The following SLIT3 variants were observed in gnomAD, a reference collection of about 807,000 sequenced individuals.
SLIT3 encodes the protein slit guidance ligand 3.
Under a neutral mutation model 184.0 loss-of-function variants are expected in SLIT3, and 68 were observed. The ratio of observed to expected loss-of-function variants is 0.37; its 90% CI spans 0.30 to 0.45. The LOEUF is 0.45. Among genes scored for constraint, SLIT3 ranks in the 20% least tolerant of loss-of-function variants. SLIT3 has a pLI of 1.00. For missense variants in SLIT3, 1,707 were observed against 2,026.0 expected (o/e 0.84, Z 3.02); for synonymous variants, 831 against 828.6 (o/e 1.00, Z -0.05).
intron 4 of SLIT3, among the ~76,000 whole-genome samples, chr5:169,031,080 A>T (rs1247731455): frequency 6.6e-6 from 1 of 152,178 alleles, no homozygotes; most frequent in Non-Finnish European, 1.5e-5. Flanking sequence ...AGTATCCAGC[A>T]TAGTAGTCGT....
At chr5:168,795,618 C>T (rs7733421) in intron 9 of SLIT3, 40 bp from the exon 10 acceptor site, 10 of 1,526,226 alleles carry the variant, frequency 6.6e-6, no homozygotes, top group South Asian at 5.6e-5. Flanking sequence ...AACCATCCAC[C>T]TGTCAACAAG....
At chr5:168,764,388 T>A (rs974610911) in intron 14 of SLIT3, among the ~76,000 whole-genome samples, 1 of 152,158 alleles carries the variant, frequency 6.6e-6, no homozygotes, top group African/African-American at 2.4e-5. Context: ...GGCCCACAGG[T>A]CACTCAGTCT....
At chr5:168,843,984 GC>G (rs1020270712) in intron 6 of SLIT3, among the ~76,000 whole-genome samples, 60 of 36,572 alleles carry the variant, frequency 1.6e-3, no homozygotes, top group African/African-American at 5.9e-3. Flanking sequence ...CCTGCCCCCC[GC>G]CCCCCTACCC....
intron 28 of SLIT3, among the ~76,000 whole-genome samples, chr5:168,695,636 C>A (rs1315986943): frequency 6.6e-6 from 1 of 151,970 alleles, no homozygotes; most frequent in Non-Finnish European, 1.5e-5. Flanking sequence ...ATTTAACTGT[C>A]CTTTTTAGGG....
chr5:169,211,740 T>C (rs889467841), intron 3 of SLIT3, among the ~76,000 whole-genome samples: 5 of 152,312 alleles, frequency 3.3e-5, no homozygotes, highest in Admixed American at 1.3e-4. Flanking sequence ...CCCGCACCCA[T>C]TGAACTGTCA....
At chr5:169,125,109 G>A (rs772707465) in intron 4 of SLIT3, among the ~76,000 whole-genome samples, 9 of 151,980 alleles carry the variant, frequency 5.9e-5, no homozygotes, top group Admixed American at 1.3e-4. Context: ...GTGCAGTGGC[G>A]CAATCTCGGC....
chr5:168,788,537 T>C (rs996137436), intron 11 of SLIT3, among the ~76,000 whole-genome samples: 2 of 152,236 alleles, frequency 1.3e-5, no homozygotes, highest in African/African-American at 4.8e-5. Flanking sequence ...TTTCTACCTG[T>C]TACTGTGGAC....
At chr5:168,943,706 C>G (rs959493421) in intron 4 of SLIT3, among the ~76,000 whole-genome samples, 2 of 152,230 alleles carry the variant, frequency 1.3e-5, no homozygotes. Flanking sequence ...CACACTCTCT[C>G]TATATGTGCA....
At chr5:169,293,145 T>C (rs899962538) in intron 1 of SLIT3, among the ~76,000 whole-genome samples, 1 of 152,124 alleles carries the variant, frequency 6.6e-6, no homozygotes, top group African/African-American at 2.4e-5. Context: ...AAATGGGTGG[T>C]GAGAAACACC....
At chr5:168,676,791 A>G (rs1761424677) in intron 32 of SLIT3, among the ~76,000 whole-genome samples, 1 of 152,228 alleles carries the variant, frequency 6.6e-6, no homozygotes, top group Non-Finnish European at 1.5e-5. Flanking sequence ...ACTCGCTTCC[A>G]ACATTATGAT....
At chr5:169,217,145 A>C (rs1581065900) in intron 3 of SLIT3, among the ~76,000 whole-genome samples, 1 of 151,196 alleles carries the variant, frequency 6.6e-6, no homozygotes, top group Admixed American at 6.6e-5. Context: ...AAAAAAAAAA[A>C]AAAAAAACTT....
intron 4 of SLIT3, chr5:169,024,482 T>C (rs1203620453): frequency 6.6e-6 from 1 of 152,214 alleles, no homozygotes; most frequent in Non-Finnish European, 1.5e-5. Flanking sequence ...AGGTACATTT[T>C]TCCTGCCGGA....
chr5:168,897,663 C>CACACACACACACACAT (rs1760725769), intron 4 of SLIT3, among the ~76,000 whole-genome samples: 1 of 123,152 alleles, frequency 8.1e-6, no homozygotes, highest in South Asian at 2.6e-4. Flanking sequence ...CACACACACA[C>CACACACACACACACAT]ACACACACAC....
In SLIT3 at chr5:168,669,938, G is replaced by T; in HGVS notation, c.4181C>A (p.Ala1394Asp). Residue 1394 changes from alanine to aspartate, a missense_variant, in exon 35 of 36, where the codon GCC becomes GAC. Coordinates refer to ENST00000519560, the MANE Select transcript of SLIT3 (RefSeq NM_003062.4). ...ATGTSYMCKC[A>D]EGYGGDLCDN... ...ACACAAGTCCCCTCCATAGCCCTCG[G>T]CACACTTGCACATGTATGAGGTCCC... The T allele has an allele frequency of 6.2e-7, 1 of 1,614,148 alleles. No individual in the cohort carries two copies.
chr5:168,968,521 ATCC>A (rs1193355907), intron 4 of SLIT3, among the ~76,000 whole-genome samples: 2 of 152,226 alleles, frequency 1.3e-5, no homozygotes, highest in Non-Finnish European at 2.9e-5. Context: ...TACAAAGGGA[ATCC>A]TCCTATGAAC....
intron 9 of SLIT3, among the ~76,000 whole-genome samples, chr5:168,803,806 T>C (rs944991984): frequency 6.6e-6 from 1 of 151,968 alleles, no homozygotes; most frequent in African/African-American, 2.4e-5. Context: ...TCCATAGGAA[T>C]CTGAAATGAG....
At chr5:169,195,675 C>T (rs1316680624) in intron 3 of SLIT3, among the ~76,000 whole-genome samples, 1 of 152,128 alleles carries the variant, frequency 6.6e-6, no homozygotes, top group Non-Finnish European at 1.5e-5. Context: ...TACAGGTACA[C>T]ACCACCATGC....
intron 1 of SLIT3, among the ~76,000 whole-genome samples, chr5:169,287,907 A>G (rs1408361870): frequency 6.6e-6 from 1 of 152,154 alleles, no homozygotes; most frequent in East Asian, 1.9e-4. Flanking sequence ...TCCACTGGCC[A>G]AGTGAAGGTT....
At chr5:169,028,326 T>G (rs1000256270) in intron 4 of SLIT3, among the ~76,000 whole-genome samples, 2 of 152,154 alleles carry the variant, frequency 1.3e-5, no homozygotes, top group African/African-American at 2.4e-5. Flanking sequence ...TACTCTTAAC[T>G]CAGGGTCATA....
Sources: gnomAD v4.1 joint callset for allele counts (sites outside exome capture counted in the v4.1 genomes callset) on GRCh38, gnomAD v4.1.1 for gene constraint, MANE v1.5 for transcripts, NCBI Gene and HGNC (gene_info 2026-07-23, HGNC 2026-07-21) for gene names.